PTK2: variants seen among roughly 807,000 people sequenced by gnomAD.
PTK2 encodes focal adhesion kinase 1.
PTK2 carries 45 observed loss-of-function variants against 150.1 expected under a neutral mutation model. The ratio of observed to expected loss-of-function variants is 0.30; its 90% CI spans 0.24 to 0.38. The LOEUF (loss-of-function observed/expected upper bound fraction) is 0.38. PTK2 is among the 10% of genes least tolerant of loss of function. PTK2 has a pLI of 1.00. For synonymous variants in PTK2, 432 were observed against 449.2 expected, an observed-to-expected ratio of 0.96 and a Z score of 0.48; for missense variants, 919 against 1,307.3, an observed-to-expected ratio of 0.70 and a Z score of 4.58.
chr8:140,797,485 T>C (rs988190256), intron 12 of PTK2, among the ~76,000 whole-genome samples: 9 of 152,216 alleles, frequency 5.9e-5, no homozygotes, highest in South Asian at 2.1e-4. Context: ...GTTCTATTTT[T>C]ATGTCTTCTG....
chr8:140,976,109 A>C (rs2100189178), intron 1 of PTK2, among the ~76,000 whole-genome samples: 1 of 152,222 alleles, frequency 6.6e-6, no homozygotes, highest in South Asian at 2.1e-4. Flanking sequence ...TTTATAAATA[A>C]GGACTTGAGA....
chr8:140,853,665 G>C (rs1235265202), intron 5 of PTK2, among the ~76,000 whole-genome samples: 2 of 152,040 alleles, frequency 1.3e-5, no homozygotes, highest in African/African-American at 4.8e-5. Flanking sequence ...GTGCATGAGT[G>C]TCACACCCTT....
chr8:140,718,396 A>G (rs1457034547), intron 22 of PTK2: 1 of 152,202 alleles, frequency 6.6e-6, no homozygotes, highest in Admixed American at 6.5e-5. Context: ...CAGCTTCTTC[A>G]TCTTGGCTGT....
chr8:140,796,347 A>AT (rs1431075467), intron 12 of PTK2, among the ~76,000 whole-genome samples: 1 of 152,166 alleles, frequency 6.6e-6, no homozygotes, highest in Non-Finnish European at 1.5e-5. Context: ...TCACACCAGG[A>AT]AGACCAAATT....
Position 140,912,862 on chromosome 8 carries a change from C to T in PTK2, c.-33+12799G>A, listed in dbSNP as rs560422796. Among the ~76,000 whole-genome samples, 198 of 152,204 alleles carry T rather than the reference C, an allele frequency of 1.3e-3. 1 individual carries two copies. The highest frequency in any genetic ancestry group is 4.6e-3 in the African/African-American group (192 of 41,538). On this transcript the variant is annotated intron_variant, in intron 2 of 31. Coordinates refer to ENST00000522684, the Ensembl canonical transcript of PTK2. ...TCGGGAGGCTGAGGCAGGAGAATAG[C>T]TTGAACCTGGGAGGCGGAGGTTGCA...
intron 4 of PTK2, among the ~76,000 whole-genome samples, chr8:140,872,341 G>A (rs930371456): frequency 6.6e-6 from 1 of 152,104 alleles, no homozygotes; most frequent in Non-Finnish European, 1.5e-5. Flanking sequence ...CACCACGCCT[G>A]GCCCGCTGCA....
chr8:140,761,086 C>T, intron 16 of PTK2, 79 bp downstream of exon 19: 1 of 910,782 alleles, frequency 1.1e-6, no homozygotes, highest in Non-Finnish European at 1.8e-6. Context: ...GAACTAAGGA[C>T]TCATGAAGAC....
At chr8:140,999,914 G>A (rs2100199325) in intron 1 of PTK2, among the ~76,000 whole-genome samples, 1 of 151,030 alleles carries the variant, frequency 6.6e-6, no homozygotes. Context: ...TGTATAACCA[G>A]TTCCCATAAT....
intron 24 of PTK2, 149 bp downstream of exon 27, chr8:140,705,970 T>C: frequency 1.7e-6 from 1 of 573,228 alleles, no homozygotes. Context: ...ACAACATCAT[T>C]CAATGATTAG....
chr8:140,953,021 T>A (rs533851092), intron 1 of PTK2, among the ~76,000 whole-genome samples: 12 of 152,324 alleles, frequency 7.9e-5, no homozygotes, highest in African/African-American at 2.9e-4. Flanking sequence ...GGAGATTCTA[T>A]AATAATCCCC....
chr8:140,709,446 T>G (rs549126607), intron 23 of PTK2, among the ~76,000 whole-genome samples: 2 of 152,280 alleles, frequency 1.3e-5, no homozygotes, highest in South Asian at 4.1e-4. Flanking sequence ...AGTGCAAATG[T>G]ATTGGTAAAA....
intron 1 of PTK2, among the ~76,000 whole-genome samples, chr8:140,949,879 C>T (rs1319797356): frequency 6.6e-6 from 1 of 152,174 alleles, no homozygotes; most frequent in Non-Finnish European, 1.5e-5. Flanking sequence ...GAGTCTACAG[C>T]CTGGAGTGAG....
At chr8:140,943,251 ATT>A (rs1236001935) in intron 1 of PTK2, among the ~76,000 whole-genome samples, 1 of 152,094 alleles carries the variant, frequency 6.6e-6, no homozygotes, top group Non-Finnish European at 1.5e-5. Context: ...TTTATACTCA[ATT>A]CTCTCTTCCG....
intron 8 of PTK2, among the ~76,000 whole-genome samples, chr8:140,828,819 C>T (rs1316779609): frequency 2.0e-5 from 3 of 152,212 alleles, no homozygotes; most frequent in East Asian, 3.8e-4. Context: ...CTCCCATTCT[C>T]CCAACTGCAA....
chr8:140,963,425 T>C (rs62521937), intron 1 of PTK2, among the ~76,000 whole-genome samples: 62,962 of 151,986 alleles, frequency 0.41, 13,913 homozygotes, highest in South Asian at 0.55. Flanking sequence ...CCATGACCAG[T>C]TGCCCAATCT....
chr8:140,989,648 C>A (rs2100194895), intron 1 of PTK2, among the ~76,000 whole-genome samples: 1 of 152,040 alleles, frequency 6.6e-6, no homozygotes, highest in South Asian at 2.1e-4. Flanking sequence ...GTGGCTCACA[C>A]CTGTAATCCC....
exon 32 of PTK2, chr8:140,658,447 C>A: frequency 5.4e-6 from 1 of 185,912 alleles, no homozygotes; most frequent in South Asian, 2.0e-4. Flanking sequence ...CTGTACAGTT[C>A]ATTATATTCT....
chr8:140,700,871 C>G lies in PTK2; in HGVS notation c.2499+20G>C. On this transcript the variant is annotated intron_variant, in intron 26 of 31. Transcript: ENST00000522684. ...AACAGGGCTTAAAAAGTCAAAGAAG[C>G]CTTTCAGAAACACAATTACCAGAAA... 6.2e-7 allele frequency: 1 copy of G among 1,612,770 alleles called. No homozygotes were observed. Among genetic ancestry groups the G allele is most frequent in the Non-Finnish European group, 8.5e-7 (1 of 1,179,278 alleles).
rs939835863 is a variant in PTK2, at chr8:140,903,262, G to A, written c.-32-12493C>T. On this transcript the variant is annotated intron_variant, in intron 2 of 31. Coordinates refer to ENST00000522684, the Ensembl canonical transcript of PTK2. ...ATCCTTTCCCCCATTGCTTGTTTTTGTCAGGTTTGTCAAAGATCAGATGGT... is the reference window on the plus strand; with the variant it reads ...ATCCTTTCCCCCATTGCTTGTTTTTATCAGGTTTGTCAAAGATCAGATGGT... 5.9e-5 allele frequency among the ~76,000 whole-genome samples: 9 copies of A among 151,916 alleles called. No individual in the cohort carries two copies. In the South Asian group the frequency reaches 1.9e-3, roughly 32 times the overall value.
Sources: gnomAD v4.1 joint callset for allele counts (sites outside exome capture counted in the v4.1 genomes callset) on GRCh38, gnomAD v4.1.1 for gene constraint, MANE v1.5 for transcripts, NCBI Gene and HGNC (gene_info 2026-07-23, HGNC 2026-07-21) for gene names.